Variants in CNTN5 observed in about 807,000 individuals in gnomAD.
CNTN5 encodes contactin-5.
A neutral mutation model predicts 129.1 loss-of-function variants in CNTN5; 77 were observed. The observed-to-expected ratio is 0.60, with a 90% CI of 0.50 to 0.72. The LOEUF is 0.72. CNTN5 is among the 30% of genes least tolerant of loss of function. CNTN5 has a pLI of 0.00. For synonymous variants in CNTN5, 509 were observed against 465.6 expected, an observed-to-expected ratio of 1.09 and a Z score of -1.20; for missense variants, 1,478 against 1,328.8, an observed-to-expected ratio of 1.11 and a Z score of -1.75.
chr11:99,314,198 C>A (rs61893140), intron 1 of CNTN5, among the ~76,000 whole-genome samples: 2 of 151,720 alleles, frequency 1.3e-5, no homozygotes, highest in African/African-American at 2.4e-5. Flanking sequence ...AAAAATTATG[C>A]CATGTAAATT....
At chr11:100,280,535 T>C (rs1372939458) in intron 18 of CNTN5, among the ~76,000 whole-genome samples, 1 of 152,096 alleles carries the variant, frequency 6.6e-6, no homozygotes, top group African/African-American at 2.4e-5. Context: ...GCATGAAATA[T>C]GTTTTTCTAT....
At chr11:99,218,263 C>T (rs1379306363) in intron 1 of CNTN5, among the ~76,000 whole-genome samples, 3 of 152,116 alleles carry the variant, frequency 2.0e-5, no homozygotes, top group Non-Finnish European at 4.4e-5. Context: ...TTTGTCTTTT[C>T]TGCCTTTTTG....
chr11:99,154,052 C>A (rs775077701), intron 1 of CNTN5, among the ~76,000 whole-genome samples: 21 of 152,080 alleles, frequency 1.4e-4, no homozygotes, highest in Non-Finnish European at 1.9e-4. Flanking sequence ...CATCTGCTGA[C>A]GAAAACACTC....
At chr11:99,963,462 G>C (rs1173395596) in intron 8 of CNTN5, among the ~76,000 whole-genome samples, 1 of 152,012 alleles carries the variant, frequency 6.6e-6, no homozygotes, top group Non-Finnish European at 1.5e-5. Flanking sequence ...AAGATCAGAT[G>C]ATTATAGATA....
At chr11:99,368,664 A>G (rs1161975895) in intron 2 of CNTN5, among the ~76,000 whole-genome samples, 1 of 152,176 alleles carries the variant, frequency 6.6e-6, no homozygotes, top group African/African-American at 2.4e-5. Flanking sequence ...AGACTACAGC[A>G]TACATACTTC....
At position 99,514,897 on chromosome 11, in the gene CNTN5, C is replaced by T. The variant is rs1293503537; in HGVS notation, c.-70-41248C>T. On this transcript the variant is annotated intron_variant, in intron 2 of 24. Coordinates refer to ENST00000524871, the MANE Select transcript of CNTN5 (RefSeq NM_014361.4). ...GAAAACTGAAAACTTTTGATATTTCCTTTAAGTCAGTGAGACTATGAAGGG... is the reference window on the plus strand; with the variant it reads ...GAAAACTGAAAACTTTTGATATTTCTTTTAAGTCAGTGAGACTATGAAGGG... Among the ~76,000 whole-genome samples the T allele has an allele frequency of 2.0e-5, 3 of 151,994 alleles. No individual in the cohort carries two copies. The East Asian group carries it at 5.8e-4, about 29-fold the overall frequency.
At position 99,522,779 on chromosome 11, in the gene CNTN5, C is replaced by G. The variant is rs182818201; in HGVS notation, c.-70-33366C>G. On this transcript the variant is annotated intron_variant, in intron 2 of 24. Transcript: ENST00000524871. ...CTCATATTTAAATACTGGCATCTAT[C>G]TTTCTTTATTGATATTCTTTAGAAT... Among the ~76,000 whole-genome samples, 142 of 152,228 alleles carry G rather than the reference C, an allele frequency of 9.3e-4. 2 individuals are homozygous for G. Among genetic ancestry groups the G allele is most frequent in the African/African-American group, 3.4e-3 (141 of 41,538 alleles).
chr11:99,778,801 A>T (rs2135376925), intron 3 of CNTN5, among the ~76,000 whole-genome samples: 1 of 152,008 alleles, frequency 6.6e-6, no homozygotes, highest in Admixed American at 6.6e-5. Context: ...CTATATCAAT[A>T]AAATATTCAC....
intron 3 of CNTN5, among the ~76,000 whole-genome samples, chr11:99,656,526 A>AAGAC (rs1952372151): frequency 4.0e-5 from 1 of 24,920 alleles, no homozygotes; most frequent in African/African-American, 8.0e-5. Context: ...TGGAAAATGG[A>AAGAC]AGAAAGATAG....
At chr11:99,122,799 T>C (rs1371399148) in intron 1 of CNTN5, among the ~76,000 whole-genome samples, 1 of 152,174 alleles carries the variant, frequency 6.6e-6, no homozygotes, top group East Asian at 1.9e-4. Context: ...ATACAGTATA[T>C]GGTTTTCTGT....
intron 2 of CNTN5, among the ~76,000 whole-genome samples, chr11:99,506,915 A>T (rs1946644154): frequency 6.6e-6 from 1 of 152,190 alleles, no homozygotes; most frequent in Non-Finnish European, 1.5e-5. Flanking sequence ...AGTGGAGACA[A>T]TTGTATTTAT....
intron 3 of CNTN5, among the ~76,000 whole-genome samples, chr11:99,655,740 C>T (rs561582039): frequency 1.4e-4 from 21 of 152,172 alleles, no homozygotes; most frequent in Admixed American, 2.6e-4. Context: ...CACCTATACA[C>T]ACACATAGAT....
At chr11:100,307,707 T>A (rs1324846996) in intron 20 of CNTN5, among the ~76,000 whole-genome samples, 1 of 151,524 alleles carries the variant, frequency 6.6e-6, no homozygotes, top group Non-Finnish European at 1.5e-5. Flanking sequence ...AGTCTTGTGG[T>A]TGGAACAACA....
chr11:99,404,537 A>G (rs1181415258), intron 2 of CNTN5, among the ~76,000 whole-genome samples: 2 of 151,674 alleles, frequency 1.3e-5, no homozygotes, highest in Non-Finnish European at 2.9e-5. Context: ...TTTTGGTTTC[A>G]GGTTACCATG....
chr11:99,213,448 A>G (rs994522070), intron 1 of CNTN5, among the ~76,000 whole-genome samples: 6 of 145,798 alleles, frequency 4.1e-5, no homozygotes, highest in Admixed American at 2.1e-4. Context: ...ATACACATAT[A>G]TGTATATACA....
chr11:100,210,673 A>C (rs1949012972), intron 15 of CNTN5, among the ~76,000 whole-genome samples: 1 of 152,198 alleles, frequency 6.6e-6, no homozygotes, highest in Non-Finnish European at 1.5e-5. Flanking sequence ...TAATGTTTCC[A>C]TCTGTGAACA....
chr11:99,592,325 A>C (rs1221378072), intron 3 of CNTN5, among the ~76,000 whole-genome samples: 1 of 152,208 alleles, frequency 6.6e-6, no homozygotes, highest in Non-Finnish European at 1.5e-5. Context: ...AGTTTAAACA[A>C]TGTCCGGGGA....
intron 13 of CNTN5, among the ~76,000 whole-genome samples, chr11:100,094,935 C>A (rs539961877): frequency 6.6e-6 from 1 of 152,250 alleles, no homozygotes; most frequent in East Asian, 1.9e-4. Flanking sequence ...TAGTATCAGT[C>A]AAGACTTCAC....
At chr11:99,818,517 G>C (rs1373885571) in intron 3 of CNTN5, among the ~76,000 whole-genome samples, 1 of 152,124 alleles carries the variant, frequency 6.6e-6, no homozygotes, top group Non-Finnish European at 1.5e-5. Flanking sequence ...CGGCTTCCCT[G>C]AGTGCTGGGA....
Sources: gnomAD v4.1 joint callset for allele counts (sites outside exome capture counted in the v4.1 genomes callset) on GRCh38, gnomAD v4.1.1 for gene constraint, MANE v1.5 for transcripts, NCBI Gene and HGNC (gene_info 2026-07-23, HGNC 2026-07-21) for gene names.